The following PAX9 variants were observed in gnomAD, a reference collection of about 807,000 sequenced individuals.
PAX9 encodes the protein paired box 9.
Under a neutral mutation model 29.1 loss-of-function variants are expected in PAX9, and 6 were observed. The ratio of observed to expected loss-of-function variants is 0.21; its 90% CI spans 0.11 to 0.41. PAX9 has a LOEUF of 0.41. Ranked by LOEUF, PAX9 falls within the 10% of genes least tolerant of loss-of-function variation. The probability of loss-of-function intolerance (pLI) is 1.00; values close to 1 mark genes in which losing one functional copy is unlikely to be tolerated. For synonymous variants in PAX9, 217 were observed against 211.7 expected (o/e 1.03, Z -0.22); for missense variants, 443 against 479.1 (o/e 0.92, Z 0.70).
intron 3 of PAX9, among the ~76,000 whole-genome samples, chr14:36,671,593 G>A (rs926257314): frequency 6.6e-6 from 1 of 151,566 alleles, no homozygotes; most frequent in African/African-American, 2.4e-5. Flanking sequence ...TATGGTTGTG[G>A]AATGCTTATG....
intron 2 of PAX9, chr14:36,666,080 G>A: frequency 4.6e-6 from 1 of 215,416 alleles, no homozygotes; most frequent in Non-Finnish European, 9.4e-6. Context: ...GTCGGCCTTG[G>A]GTTAAGAATG....
At chr14:36,665,297 G>C (rs1037589864) in intron 2 of PAX9, among the ~76,000 whole-genome samples, 5 of 151,974 alleles carry the variant, frequency 3.3e-5, no homozygotes, top group African/African-American at 7.3e-5. Context: ...TTTCCTTTCA[G>C]ATATTATTGT....
chr14:36,676,068 T>A (rs72679751), intron 3 of PAX9, 130 bp from the exon 4 acceptor site: 23,050 of 859,326 alleles, frequency 0.027, 411 homozygotes, highest in Non-Finnish European at 0.033. Flanking sequence ...CAAATTTTTT[T>A]AAAAAGTTGG....
chr14:36,679,313 CT>C lies in PAX9; in HGVS notation c.*2865del. 1 of 973,594 alleles carries C rather than the reference CT, an allele frequency of 1.0e-6. No individual in the cohort carries two copies. The highest frequency in any genetic ancestry group is 1.8e-5 in the African/African-American group (1 of 57,004). The allele number at this position is 973,594 out of a possible 1,614,324, so 60.3% of individuals were successfully genotyped here. A position where few individuals can be genotyped will look rare whatever the true frequency, so the allele number is the denominator to read the frequency against. On this transcript the variant is annotated 3_prime_UTR_variant, in exon 4 of 4. Coordinates refer to ENST00000361487, the MANE Select transcript of PAX9 (RefSeq NM_001372076.1). ...TATGTATATACAGTATGTCAAAAGC[CT>C]TTTATTTTTATACTTCAAATGCTCT...
chr14:36,664,580 T>A (rs1881419876), intron 2 of PAX9, among the ~76,000 whole-genome samples: 1 of 151,870 alleles, frequency 6.6e-6, no homozygotes, highest in Admixed American at 6.5e-5. Flanking sequence ...TTTTTTTTTT[T>A]TTTTTAAGGC....
In PAX9 at chr14:36,676,517, C is replaced by T. The variant is rs1881899224; in HGVS notation, c.*65C>T. On this transcript the variant is annotated 3_prime_UTR_variant, in exon 4 of 4. Coordinates refer to ENST00000361487, the MANE Select transcript of PAX9 (RefSeq NM_001372076.1). The stretch of plus-strand genomic sequence containing the variant: ...TGTCTCAGCACCTCCTCCCCCAATT[C>T]CCAGGTCTCACATCCCACCCCTCCT... 6.3e-7 allele frequency: 1 copy of T among 1,583,854 alleles called. No individual in the cohort carries two copies. The highest frequency in any genetic ancestry group is 8.6e-7 in the Non-Finnish European group (1 of 1,166,654).
In PAX9 at chr14:36,666,543, C is replaced by G. The variant is rs759493655; in HGVS notation, c.713C>G (p.Pro238Arg). 2.5e-6 allele frequency: 4 copies of G among 1,591,636 alleles called. No individual in the cohort carries two copies. The African/African-American group carries it at 4.0e-5, about 16-fold the overall frequency. ...CGCAACAACTTCCCCGCCGCCGCCCCGCACGCGGTGAACGGGTTGGAGAAG... is the reference window on the plus strand; with the variant it reads ...CGCAACAACTTCCCCGCCGCCGCCCGGCACGCGGTGAACGGGTTGGAGAAG... The part of the protein sequence containing the change: ...LGRNNFPAAA[P>R]HAVNGLEKGA... Residue 238 changes from proline to arginine, a missense_variant, in exon 3 of 4, where the codon CCG (proline) becomes CGG (arginine). Coordinates refer to ENST00000361487, the MANE Select transcript of PAX9 (RefSeq NM_001372076.1).
upstream of PAX9, among the ~76,000 whole-genome samples, chr14:36,660,513 C>T (rs1390098510): frequency 2.0e-5 from 3 of 152,188 alleles, no homozygotes; most frequent in Non-Finnish European, 1.5e-5. Context: ...GAGATCTGTT[C>T]CTTTGCAGAA....
upstream of PAX9, chr14:36,661,737 G>C (rs1881274749): frequency 2.5e-6 from 1 of 394,736 alleles, no homozygotes; most frequent in Non-Finnish European, 4.5e-6. Flanking sequence ...ACAGCGGAAG[G>C]AGTTTCCTGG....
At position 36,678,521 on chromosome 14, in the gene PAX9, A is replaced by G. The variant is rs1882018759; in HGVS notation, c.*2069A>G. 1.3e-6 allele frequency: 2 copies of G among 1,537,010 alleles called. No individual in the cohort carries two copies. The highest frequency in any genetic ancestry group is 1.7e-6 in the Non-Finnish European group (2 of 1,146,762). ...ATAGACTATAAACTGAATGGAACAA[A>G]GATCCAATCCAATATTTTGGTGGAG... On this transcript the variant is annotated 3_prime_UTR_variant, in exon 4 of 4. Transcript: ENST00000361487.
At chr14:36,666,074 G>C (rs564423069) in intron 2 of PAX9, 64 of 208,154 alleles carry the variant, frequency 3.1e-4, no homozygotes, top group African/African-American at 1.4e-3. Flanking sequence ...CCCCCAGTCG[G>C]CCTTGGGTTA....
chr14:36,673,165 C>T (rs993245057), intron 3 of PAX9, among the ~76,000 whole-genome samples: 13 of 151,948 alleles, frequency 8.6e-5, no homozygotes, highest in Admixed American at 4.6e-4. Context: ...CGTGCCCGGC[C>T]GCCTTTTTCT....
At chr14:36,665,167 G>GAAAAAA (rs67344124) in intron 2 of PAX9, among the ~76,000 whole-genome samples, 2 of 87,820 alleles carry the variant, frequency 2.3e-5, no homozygotes, top group African/African-American at 8.6e-5. Flanking sequence ...GAGACATAGT[G>GAAAAAA]AAAAAAAAAA....
intron 2 of PAX9, among the ~76,000 whole-genome samples, 193 bp downstream of exon 2, chr14:36,663,716 CCA>C (rs1237787400): frequency 6.6e-6 from 1 of 152,244 alleles, no homozygotes; most frequent in African/African-American, 2.4e-5. Flanking sequence ...GGTTTCCTTG[CCA>C]CACACAGTCT....
chr14:36,660,452 T>C (rs972580081), upstream of PAX9, among the ~76,000 whole-genome samples: 1 of 152,220 alleles, frequency 6.6e-6, no homozygotes, highest in African/African-American at 2.4e-5. Context: ...CTCCATTCTG[T>C]TAGGTAATTT....
chr14:36,677,877 TGTGA>T lies in PAX9; in HGVS notation c.*1428_*1431del, dbSNP rs1395459502. ...TGTGGAGTATATGTGTGTGTGAGCA[TGTGA>T]GTATGTGTTGTATTTTAAAACAATT... On this transcript the variant is annotated 3_prime_UTR_variant, in exon 4 of 4. Transcript: ENST00000361487. The T allele has an allele frequency of 3.9e-5, 6 of 152,500 alleles. No homozygotes were observed. The highest frequency in any genetic ancestry group is 1.4e-4 in the African/African-American group (6 of 41,436). The allele number at this position is 152,500 out of a possible 1,614,324, so 9.4% of individuals were successfully genotyped here.
At chr14:36,666,239 G>A in intron 2 of PAX9, 1 of 577,422 alleles carries the variant, frequency 1.7e-6, no homozygotes. Flanking sequence ...GCGTGGGTCA[G>A]AGAATTTGGA....
Position 36,678,841 on chromosome 14 carries a change from A to AATT in PAX9, c.*2390_*2392dup. On this transcript the variant is annotated 3_prime_UTR_variant, in exon 4 of 4. Coordinates refer to ENST00000361487, the MANE Select transcript of PAX9 (RefSeq NM_001372076.1). ...TCTTAACAGTGAATTCACATGGAGT[A>AATT]ATTTTTAAAAGATATCAGATACAAT... 6.1e-6 allele frequency: 6 copies of AATT among 980,192 alleles called. No homozygotes were observed. Among genetic ancestry groups the AATT allele is most frequent in the Non-Finnish European group, 7.3e-6 (6 of 819,078 alleles). 60.7% of individuals were successfully genotyped at this position (980,192 alleles called of 1,614,324 possible).
At chr14:36,675,858 G>A (rs1348133147) in intron 3 of PAX9, among the ~76,000 whole-genome samples, 1 of 152,118 alleles carries the variant, frequency 6.6e-6, no homozygotes, top group African/African-American at 2.4e-5. Context: ...GAGGACAGCC[G>A]AACAGATTCT....
Sources: gnomAD v4.1 joint callset for allele counts (sites outside exome capture counted in the v4.1 genomes callset) on GRCh38, gnomAD v4.1.1 for gene constraint, MANE v1.5 for transcripts, NCBI Gene and HGNC (gene_info 2026-07-23, HGNC 2026-07-21) for gene names.